MOXD1: variants seen among roughly 807,000 people sequenced by gnomAD.
MOXD1 encodes the protein DBH-like monooxygenase protein 1.
Under a neutral mutation model 66.6 loss-of-function variants are expected in MOXD1, and 62 were observed. The ratio of observed to expected loss-of-function variants is 0.93; its 90% CI spans 0.76 to 1.15. MOXD1 has a LOEUF of 1.15. MOXD1 is among the 50% of genes most tolerant of loss of function. The probability of loss-of-function intolerance (pLI) is 0.00; values close to 1 mark genes in which losing one functional copy is unlikely to be tolerated. For synonymous variants in MOXD1, 303 were observed against 281.9 expected (o/e 1.07, Z -0.75); for missense variants, 847 against 754.6 (o/e 1.12, Z -1.44).
intron 4 of MOXD1, among the ~76,000 whole-genome samples, chr6:132,334,516 T>C (rs905539561): frequency 6.6e-6 from 1 of 152,216 alleles, no homozygotes; most frequent in Non-Finnish European, 1.5e-5. Flanking sequence ...CTAAGGACAC[T>C]GGAGATAAAC....
chr6:132,312,801 T>C (rs1554230874), intron 10 of MOXD1, among the ~76,000 whole-genome samples: 1 of 151,630 alleles, frequency 6.6e-6, no homozygotes, highest in Non-Finnish European at 1.5e-5. Flanking sequence ...TCATACCATT[T>C]AAACTTAAAA....
At chr6:132,372,570 C>T in intron 4 of MOXD1, 38 bp downstream of exon 4, 1 of 1,489,932 alleles carries the variant, frequency 6.7e-7, no homozygotes, top group African/African-American at 1.4e-5. Flanking sequence ...TTTTTCCACT[C>T]ATGAAAATTA....
In MOXD1 at chr6:132,335,130, T is replaced by C. The variant is rs535684820; in HGVS notation, c.664-6536A>G. 1.1e-4 allele frequency among the ~76,000 whole-genome samples: 16 copies of C among 152,180 alleles called. 1 individual carries two copies. Among genetic ancestry groups the C allele is most frequent in the Admixed American group, 2.0e-4 (3 of 15,284 alleles). On this transcript the variant is annotated intron_variant, in intron 4 of 11. Transcript: ENST00000367963. ...AAAACTGTGCCTACCTGCTGATCTCTCTTCACCAGCACCTACCCTGAAAAC... is the reference window on the plus strand; with the variant it reads ...AAAACTGTGCCTACCTGCTGATCTCCCTTCACCAGCACCTACCCTGAAAAC...
chr6:132,393,599 C>G (rs1305048281), intron 1 of MOXD1, among the ~76,000 whole-genome samples: 1 of 152,178 alleles, frequency 6.6e-6, no homozygotes. Flanking sequence ...TCACAGAGAA[C>G]TGCCTAGAGA....
rs749051849 is a variant in MOXD1 at position 132,401,376 on chromosome 6, C to A, written c.51G>T (p.Ala17=). 6 of 1,542,992 alleles carry A rather than the reference C, an allele frequency of 3.9e-6. No individual in the cohort carries two copies. The highest frequency in any genetic ancestry group is 5.2e-6 in the Non-Finnish European group (6 of 1,150,550). ...LLLWGLLPGT[A]AGGSGRTYPH... Reference sequence around the variant, plus strand: ...GATAGGTTCGGCCCGAGCCCCCCGCCGCCGTCCCGGGGAGCAGCCCCCACA... The same window carrying A: ...GATAGGTTCGGCCCGAGCCCCCCGCAGCCGTCCCGGGGAGCAGCCCCCACA... Residue 17 remains alanine (A), a synonymous_variant, in exon 1 of 12, where the codon GCG becomes GCT. Transcript: ENST00000367963.
intron 2 of MOXD1, 144 bp downstream of exon 2, chr6:132,374,487 A>G (rs201648146): frequency 3.8e-6 from 2 of 532,400 alleles, no homozygotes; most frequent in Admixed American, 1.2e-4. Flanking sequence ...AGAAAAAACT[A>G]AAAAAAAAAC....
intron 4 of MOXD1, among the ~76,000 whole-genome samples, chr6:132,349,458 TATATATACATATATATATATATAC>T (rs1387459694): frequency 0.028 from 1,006 of 35,788 alleles, 143 homozygotes; most frequent in Middle Eastern, 0.12. Context: ...TATACATATA[TATATATACATATATATATATATAC>T]ATATATATAT....
intron 1 of MOXD1, among the ~76,000 whole-genome samples, chr6:132,389,153 C>T (rs1776707154): frequency 6.6e-6 from 1 of 151,292 alleles, no homozygotes; most frequent in Admixed American, 6.6e-5. Context: ...ATCCTCCTGC[C>T]TCAACCTCCT....
intron 10 of MOXD1, among the ~76,000 whole-genome samples, chr6:132,306,963 A>G (rs598597): frequency 0.46 from 70,300 of 152,042 alleles, 18,072 homozygotes; most frequent in East Asian, 0.69. Context: ...ACTAGTGTGC[A>G]AAATCATCAA....
In MOXD1 at chr6:132,322,910, A is replaced by C. The variant is rs755529764; in HGVS notation, c.1114-40T>G. 4.6e-6 allele frequency: 7 copies of C among 1,536,784 alleles called. No homozygotes were observed. In the Admixed American group the frequency reaches 8.0e-5, roughly 18 times the overall value. On this transcript the variant is annotated intron_variant, in intron 7 of 11. Coordinates refer to ENST00000367963, the MANE Select transcript of MOXD1 (RefSeq NM_015529.4). Reference sequence around the variant, plus strand: ...GAGGAAGACCCGATTAGCCCACATTAATGCATGTTCAGACAGTTTACATTC... The same window carrying C: ...GAGGAAGACCCGATTAGCCCACATTCATGCATGTTCAGACAGTTTACATTC...
intron 4 of MOXD1, among the ~76,000 whole-genome samples, chr6:132,351,407 T>A (rs1478622209): frequency 6.6e-6 from 1 of 152,172 alleles, no homozygotes; most frequent in Non-Finnish European, 1.5e-5. Flanking sequence ...ATCAGGTGAT[T>A]TTTGTTTTTA....
In MOXD1 at chr6:132,297,880, T is replaced by A; in HGVS notation, c.1584A>T (p.Lys528Asn). The change falls in exon 11 of 12, where the codon AAA becomes AAT. Residue 528 changes from lysine to asparagine, a missense_variant. Transcript: ENST00000367963. ...LSFMDAMNKF[K>N]WTKKEGLSFN... ...AGGAGAGACCTTCCTTTTTAGTCCA[T>A]TTAAACTTATTCATAGCATCCATGA... 1 of 1,613,418 alleles carries A rather than the reference T, an allele frequency of 6.2e-7. No individual in the cohort carries two copies. Among genetic ancestry groups the A allele is most frequent in the Non-Finnish European group, 8.5e-7 (1 of 1,179,662 alleles).
chr6:132,397,684 A>AAGAAAGAAAGAAAGAAAG (rs1776924328), intron 1 of MOXD1, among the ~76,000 whole-genome samples: 2 of 134,572 alleles, frequency 1.5e-5, no homozygotes, highest in African/African-American at 5.5e-5. Context: ...GAAAGAAAGA[A>AAGAAAGAAAGAAAGAAAG]AGAAAGAAAG....
intron 9 of MOXD1, among the ~76,000 whole-genome samples, chr6:132,317,263 A>G (rs141774343): frequency 0.012 from 1,899 of 152,284 alleles, 27 homozygotes; most frequent in Non-Finnish European, 0.018. Context: ...CCTAGGGGCT[A>G]ATATACAATG....
intron 9 of MOXD1, among the ~76,000 whole-genome samples, chr6:132,318,061 G>C (rs1774996551): frequency 6.6e-6 from 1 of 151,938 alleles, no homozygotes. Context: ...ACTTTACACT[G>C]TTTCATTAAA....
intron 1 of MOXD1, among the ~76,000 whole-genome samples, chr6:132,386,897 T>C (rs1403078563): frequency 6.6e-6 from 1 of 151,266 alleles, no homozygotes; most frequent in African/African-American, 2.4e-5. Flanking sequence ...TCTTCTTTCT[T>C]CTGGGGCTTA....
At chr6:132,304,745 G>C (rs555380148) in intron 10 of MOXD1, among the ~76,000 whole-genome samples, 1 of 152,260 alleles carries the variant, frequency 6.6e-6, no homozygotes, top group East Asian at 1.9e-4. Context: ...ACATGTGAAA[G>C]AGGCTCAGTA....
intron 10 of MOXD1, among the ~76,000 whole-genome samples, chr6:132,308,423 C>A (rs1271163475): frequency 5.3e-5 from 8 of 152,178 alleles, no homozygotes; most frequent in African/African-American, 1.9e-4. Context: ...GGATTCACAG[C>A]TGAATTCTAC....
intron 9 of MOXD1, among the ~76,000 whole-genome samples, chr6:132,320,192 G>C (rs1182460425): frequency 2.6e-5 from 4 of 152,066 alleles, no homozygotes; most frequent in Non-Finnish European, 5.9e-5. Flanking sequence ...TCTATTTCTT[G>C]AATGCTTGGT....
Sources: gnomAD v4.1 joint callset for allele counts (sites outside exome capture counted in the v4.1 genomes callset) on GRCh38, gnomAD v4.1.1 for gene constraint, MANE v1.5 for transcripts, NCBI Gene and HGNC (gene_info 2026-07-23, HGNC 2026-07-21) for gene names.